The following ACP7 variants were observed in gnomAD, a reference collection of about 807,000 sequenced individuals.
ACP7 encodes the protein acid phosphatase type 7.
Under a neutral mutation model 60.6 loss-of-function variants are expected in ACP7, and 58 were observed. The observed-to-expected ratio is 0.96, with a 90% CI of 0.77 to 1.19. The LOEUF (loss-of-function observed/expected upper bound fraction) is 1.19. ACP7 is among the 50% of genes most tolerant of loss of function. The pLI is 0.00. For missense variants in ACP7, 574 were observed against 596.2 expected (o/e 0.96, Z 0.39); for synonymous variants, 237 against 232.6 (o/e 1.02, Z -0.17).
intron 2 of ACP7, among the ~76,000 whole-genome samples, chr19:39,097,505 A>C (rs184308081): frequency 6.2e-4 from 94 of 151,514 alleles, no homozygotes; most frequent in Non-Finnish European, 1.1e-3. Flanking sequence ...CCAAGGCTGC[A>C]GTGAGCTAAG....
intron 2 of ACP7, among the ~76,000 whole-genome samples, chr19:39,090,301 G>A (rs922512990): frequency 7.9e-5 from 12 of 151,438 alleles, no homozygotes; most frequent in African/African-American, 1.7e-4. Context: ...CCTGAGTAGC[G>A]GGGATTACAG....
chr19:39,086,947 T>G (rs1334078837), intron 2 of ACP7, among the ~76,000 whole-genome samples: 1 of 152,196 alleles, frequency 6.6e-6, no homozygotes, highest in Non-Finnish European at 1.5e-5. Context: ...CAAACTGTAT[T>G]TTGCAAAAGA....
chr19:39,096,848 C>T (rs1036761384), intron 2 of ACP7, among the ~76,000 whole-genome samples: 1 of 152,106 alleles, frequency 6.6e-6, no homozygotes, highest in East Asian at 1.9e-4. Flanking sequence ...TGTTGCCAGG[C>T]TGGAATGCAG....
chr19:39,087,642 T>G (rs371191531), intron 2 of ACP7, among the ~76,000 whole-genome samples: 1 of 118,258 alleles, frequency 8.5e-6, no homozygotes, highest in African/African-American at 2.8e-5. Flanking sequence ...GTTTTTTTTT[T>G]TTTTTTTTTG....
Position 39,107,386 on chromosome 19 carries a change from T to C in ACP7, c.1251+302T>C, listed in dbSNP as rs191624704. On this transcript the variant is annotated intron_variant, in intron 12 of 12. Coordinates refer to ENST00000331256, the MANE Select transcript of ACP7 (RefSeq NM_001004318.3). The stretch of plus-strand genomic sequence containing the variant: ...TCACAAGGTCAGGAGATCGAGACCA[T>C]CCTGGCTAACATGGTGAAACCCCTT... Among the ~76,000 whole-genome samples the C allele has an allele frequency of 1.9e-3, 285 of 151,438 alleles. 1 individual carries two copies. Among genetic ancestry groups the C allele is most frequent in the Middle Eastern group, 3.4e-3 (1 of 292 alleles).
At chr19:39,098,768 C>T (rs1242522955) in intron 3 of ACP7, 110 bp downstream of exon 3, 4 of 1,365,420 alleles carry the variant, frequency 2.9e-6, no homozygotes, top group South Asian at 1.4e-5. Context: ...AACTCCACTG[C>T]CTATCTGCAA....
At chr19:39,108,404 G>A (rs1413185390) in intron 12 of ACP7, among the ~76,000 whole-genome samples, 1 of 152,086 alleles carries the variant, frequency 6.6e-6, no homozygotes, top group Admixed American at 6.6e-5. Context: ...ACCTCCCAAA[G>A]TGCTGGGATT....
intron 11 of ACP7, 62 bp downstream of exon 11, chr19:39,101,599 T>G: frequency 6.5e-7 from 1 of 1,539,342 alleles, no homozygotes; most frequent in Non-Finnish European, 8.9e-7. Flanking sequence ...AGGGCTAACT[T>G]TGTTCCAGAC....
chr19:39,084,566 G>C (rs2073119448), intron 1 of ACP7, among the ~76,000 whole-genome samples, 166 bp downstream of exon 1: 1 of 151,870 alleles, frequency 6.6e-6, no homozygotes, highest in Non-Finnish European at 1.5e-5. Flanking sequence ...GAGAGGATGC[G>C]GCCGCTCTGG....
chr19:39,101,503 C>T lies in ACP7; in HGVS notation c.1079C>T (p.Pro360Leu), dbSNP rs369805772. Reference protein sequence around the residue: ...NGSREMPYTNPRGPVHIITGS... With the variant: ...NGSREMPYTNLRGPVHIITGS... ...AGCCGAGAGATGCCCTACACCAACC[C>T]GCGAGGGCCTGTCCACATCATCACA... Residue 360 changes from proline to leucine, a missense_variant, in exon 11 of 13, where the codon CCG becomes CTG. Pro to Leu is a moderately conservative substitution (Grantham distance 98). Transcript: ENST00000331256. 1.3e-4 allele frequency: 211 copies of T among 1,614,028 alleles called. No individual in the cohort carries two copies. The highest frequency in any genetic ancestry group is 1.7e-4 in the Non-Finnish European group (198 of 1,180,038).
chr19:39,090,790 CTTTTT>C (rs35453957), intron 2 of ACP7, among the ~76,000 whole-genome samples: 1 of 133,478 alleles, frequency 7.5e-6, no homozygotes, highest in Non-Finnish European at 1.6e-5. Flanking sequence ...CTTCCCACTT[CTTTTT>C]TTTTTTTTTT....
At chr19:39,105,007 T>TTTTA (rs150896486) in intron 11 of ACP7, among the ~76,000 whole-genome samples, 15 of 151,208 alleles carry the variant, frequency 9.9e-5, no homozygotes, top group South Asian at 2.1e-4. Flanking sequence ...ATTTAACCAC[T>TTTTA]TTTATTTATT....
chr19:39,086,813 A>T (rs945056480), intron 2 of ACP7, among the ~76,000 whole-genome samples: 1 of 152,162 alleles, frequency 6.6e-6, no homozygotes, highest in Admixed American at 6.6e-5. Flanking sequence ...GTTTATGTGC[A>T]TTACAGCTAG....
At chr19:39,101,718 G>A (rs569670007) in intron 11 of ACP7, among the ~76,000 whole-genome samples, 181 bp downstream of exon 11, 1 of 152,266 alleles carries the variant, frequency 6.6e-6, no homozygotes, top group South Asian at 2.1e-4. Flanking sequence ...GGCACAGACA[G>A]GAAAATACTT....
intron 2 of ACP7, among the ~76,000 whole-genome samples, chr19:39,098,253 C>CAAAAAAAAAAAAAAAAAAAAAAAAA (rs59373149): frequency 3.1e-5 from 2 of 64,952 alleles, no homozygotes; most frequent in Non-Finnish European, 2.7e-5. Context: ...GACCCTGACT[C>CAAAAAAAAAAAAAAAAAAAAAAAAA]AAAAAAAAAA....
intron 2 of ACP7, among the ~76,000 whole-genome samples, chr19:39,088,785 G>T (rs1021460581): frequency 1.3e-5 from 2 of 151,972 alleles, no homozygotes; most frequent in Admixed American, 1.3e-4. Context: ...TCACTCCGTC[G>T]CCCAGGCTGG....
rs1385591438 is a variant in ACP7, at chr19:39,109,709, A to AAT, written c.1252-344_1252-343insAT. ...CTAAAAAAAAAAAAAAAAAAAAAAAAGGAGAGAGAGAGAAAGAGTGGATGT... is the reference window on the plus strand; with the variant it reads ...CTAAAAAAAAAAAAAAAAAAAAAAAAATGGAGAGAGAGAGAAAGAGTGGATGT... On this transcript the variant is annotated intron_variant, in intron 12 of 12. Coordinates refer to ENST00000331256, the MANE Select transcript of ACP7 (RefSeq NM_001004318.3). 2.8e-5 allele frequency among the ~76,000 whole-genome samples: 4 copies of AAT among 143,034 alleles called. No homozygotes were observed. In the East Asian group the frequency reaches 8.8e-4, roughly 32 times the overall value. The allele number at this position is 143,034 out of a possible 152,430, so 93.8% of individuals were successfully genotyped here. A position where few individuals can be genotyped will look rare whatever the true frequency, so the allele number is the denominator to read the frequency against.
chr19:39,093,143 C>CCCTCTCTCTCTCTTTCTCTCTCT lies in ACP7; in HGVS notation c.122-5314_122-5313insCTCTCTCTCTCTTTCTCTCTCTC, dbSNP rs2073224722. ...TTCTTTCTTTCCTTCTTCCCTCACT[C>CCCTCTCTCTCTCTTTCTCTCTCT]CTTTCTTTCTTTCTCTTTCTTTCTT... On this transcript the variant is annotated intron_variant, in intron 2 of 12. Coordinates refer to ENST00000331256, the MANE Select transcript of ACP7 (RefSeq NM_001004318.3). Among the ~76,000 whole-genome samples, 32 of 104,656 alleles carry CCCTCTCTCTCTCTTTCTCTCTCT rather than the reference C, an allele frequency of 3.1e-4. 9 individuals carry two copies. Among genetic ancestry groups the CCCTCTCTCTCTCTTTCTCTCTCT allele is most frequent in the African/African-American group, 1.2e-3 (32 of 26,276 alleles). The allele number at this position is 104,656 out of a possible 152,430, so 68.7% of individuals were successfully genotyped here. A position where few individuals can be genotyped will look rare whatever the true frequency, so the allele number is the denominator to read the frequency against.
intron 12 of ACP7, among the ~76,000 whole-genome samples, chr19:39,108,034 G>A (rs2073430313): frequency 6.6e-6 from 1 of 152,112 alleles, no homozygotes; most frequent in South Asian, 2.1e-4. Context: ...CTTGGCAACA[G>A]AGTGAGACCC....
Sources: allele counts gnomAD v4.1 joint callset (sites outside exome capture counted in the v4.1 genomes callset), GRCh38; gene constraint gnomAD v4.1.1; transcripts MANE v1.5; gene names NCBI Gene and HGNC (gene_info 2026-07-23, HGNC 2026-07-21).